The following UNC80 variants were observed in gnomAD, a reference collection of about 807,000 sequenced individuals.
UNC80 encodes protein unc-80 homolog.
A neutral mutation model predicts 384.6 loss-of-function variants in UNC80; 164 were observed. That is an observed-to-expected ratio of 0.43 (90% CI 0.38 to 0.49). UNC80 has a LOEUF of 0.49. Among genes scored for constraint, UNC80 ranks in the 20% least tolerant of loss-of-function variants. UNC80 has a pLI of 0.00. For synonymous variants in UNC80, 1,486 were observed against 1,527.8 expected, an observed-to-expected ratio of 0.97 and a Z score of 0.64; for missense variants, 3,330 against 4,143.0, an observed-to-expected ratio of 0.80 and a Z score of 5.39.
rs1360911143 is a variant in UNC80, at chr2:209,913,853, A to G, written c.4942A>G (p.Ile1648Val). The change falls in exon 31 of 65, where the codon ATT (isoleucine) becomes GTT (valine). Residue 1648 changes from isoleucine to valine, a missense_variant. Ile to Val is a conservative substitution (Grantham distance 29, BLOSUM62 3). This residue lies in a region of UNC80 where 801 missense variants were observed against 950.8 expected (regional missense o/e 0.84). Transcript: ENST00000673920. The part of the protein sequence containing the change: ...PLSLLIKAAP[I>V]LTEEMYGDIQ... ...ATCTCTGTTAATCAAGGCAGCACCAATTCTGACAGAGGAGATGTACGGAGA... is the reference window on the plus strand; with the variant it reads ...ATCTCTGTTAATCAAGGCAGCACCAGTTCTGACAGAGGAGATGTACGGAGA... The G allele has an allele frequency of 6.4e-7, 1 of 1,551,484 alleles. No individual in the cohort carries two copies. Among genetic ancestry groups the G allele is most frequent in the Non-Finnish European group, 8.7e-7 (1 of 1,146,798 alleles).
intron 48 of UNC80, among the ~76,000 whole-genome samples, chr2:209,957,336 CA>C (rs2092452609): frequency 6.6e-6 from 1 of 152,118 alleles, no homozygotes; most frequent in Non-Finnish European, 1.5e-5. Context: ...TCAACTGGTA[CA>C]GACTTAGAAG....
In UNC80 at chr2:209,793,837, G is replaced by A; in HGVS notation, c.916G>A (p.Glu306Lys). Residue 306 changes from glutamate to lysine, a missense_variant, in exon 7 of 65, where the codon GAA becomes AAA. By Grantham distance (56) the Glu-to-Lys change is moderately conservative (BLOSUM62 1). Transcript: ENST00000673920. ...DGSLSSQTSQ[E>K]RGPSHSRASL... ...AAGTCTGTCCTCCCAAACTTCCCAG[G>A]AAAGAGGCCCATCACATTCCAGGTA... 6.2e-7 allele frequency: 1 copy of A among 1,614,112 alleles called. No homozygotes were observed.
At chr2:209,790,329 A>G (rs1433548338) in intron 6 of UNC80, among the ~76,000 whole-genome samples, 1 of 152,184 alleles carries the variant, frequency 6.6e-6, no homozygotes, top group Non-Finnish European at 1.5e-5. Context: ...TCCTCTTTCC[A>G]ACTGTTATTA....
chr2:209,915,529 T>C (rs1208181402), intron 31 of UNC80, among the ~76,000 whole-genome samples: 1 of 151,080 alleles, frequency 6.6e-6, no homozygotes, highest in Admixed American at 6.6e-5. Context: ...CACAAGTCCA[T>C]AATATTAGAA....
chr2:209,798,414 G>A (rs2078304511), intron 7 of UNC80, among the ~76,000 whole-genome samples: 1 of 152,308 alleles, frequency 6.6e-6, no homozygotes, highest in South Asian at 2.1e-4. Context: ...TTACTGAATA[G>A]GAGATCTTTT....
At chr2:209,911,075 C>T (rs186700945) in intron 29 of UNC80, among the ~76,000 whole-genome samples, 3 of 152,118 alleles carry the variant, frequency 2.0e-5, no homozygotes, top group Admixed American at 1.3e-4. Flanking sequence ...GCTAGTAAGG[C>T]CTTGGGAAAC....
At chr2:209,902,425 A>C (rs1215440179) in intron 28 of UNC80, among the ~76,000 whole-genome samples, 1 of 152,238 alleles carries the variant, frequency 6.6e-6, no homozygotes, top group African/African-American at 2.4e-5. Flanking sequence ...AGGGTTGTTG[A>C]GGGTTGATCG....
intron 22 of UNC80, among the ~76,000 whole-genome samples, chr2:209,853,028 TATAG>T (rs2082643309): frequency 1.3e-5 from 2 of 152,102 alleles, no homozygotes; most frequent in South Asian, 2.1e-4. Flanking sequence ...CAGATACAGA[TATAG>T]ATATAGATAG....
chr2:209,783,194 C>G (rs2077242312), intron 4 of UNC80, among the ~76,000 whole-genome samples: 2 of 152,146 alleles, frequency 1.3e-5, no homozygotes, highest in African/African-American at 4.8e-5. Context: ...GATATTGCCT[C>G]TACGTGTACT....
At position 209,976,017 on chromosome 2, in the gene UNC80, A is replaced by G. The variant is rs1337359633; in HGVS notation, c.8588-102A>G. 3.1e-6 allele frequency: 4 copies of G among 1,300,822 alleles called. No homozygotes were observed. The highest frequency in any genetic ancestry group is 1.5e-5 in the African/African-American group (1 of 66,802). The allele number at this position is 1,300,822 out of a possible 1,614,324, so 80.6% of individuals were successfully genotyped here. On this transcript the variant is annotated intron_variant, in intron 56 of 64. Coordinates refer to ENST00000673920, the MANE Select transcript of UNC80 (RefSeq NM_001371986.1). This position sits in a 1 kb window ranked among gnomAD's most constrained non-coding sequence, Gnocchi z 4.3. ...TTAGAAACATGGAGAGAGCTTAGAAATTTAGAAAATTTCTAAAGGTGCATA... is the reference window on the plus strand; with the variant it reads ...TTAGAAACATGGAGAGAGCTTAGAAGTTTAGAAAATTTCTAAAGGTGCATA...
intron 60 of UNC80, among the ~76,000 whole-genome samples, chr2:209,983,584 T>TC (rs56780966): frequency 6.6e-6 from 1 of 152,200 alleles, no homozygotes; most frequent in Non-Finnish European, 1.5e-5. Flanking sequence ...TAGCTATCAG[T>TC]TATTTTTAAT....
At chr2:209,973,383 C>G in intron 56 of UNC80, 113 bp downstream of exon 56, 6 of 1,022,954 alleles carry the variant, frequency 5.9e-6, no homozygotes, top group Non-Finnish European at 8.4e-6. Flanking sequence ...TAGTTAAGTT[C>G]CAACTTAACT....
At chr2:209,807,748 G>A (rs1223376983) in intron 7 of UNC80, among the ~76,000 whole-genome samples, 1 of 152,080 alleles carries the variant, frequency 6.6e-6, no homozygotes, top group African/African-American at 2.4e-5. Context: ...TTATTGGATG[G>A]TGATACTTTG....
chr2:209,925,723 T>C (rs1387290282), intron 35 of UNC80, among the ~76,000 whole-genome samples: 1 of 152,106 alleles, frequency 6.6e-6, no homozygotes, highest in Non-Finnish European at 1.5e-5. Context: ...ATCCTTTAGC[T>C]AGACACAGAG....
Position 209,921,426 on chromosome 2 carries a change from A to G in UNC80, c.5344-74A>G, listed in dbSNP as rs540272688. On this transcript the variant is annotated intron_variant, in intron 33 of 64. Transcript: ENST00000673920. ...ACAAACTACTACGTTTGTGTCATTCATTGGAACACTCTTTATGCCTGTGAC... is the reference window on the plus strand; with the variant it reads ...ACAAACTACTACGTTTGTGTCATTCGTTGGAACACTCTTTATGCCTGTGAC... 85 of 1,380,532 alleles carry G rather than the reference A, an allele frequency of 6.2e-5. 1 individual carries two copies. The African/African-American group carries it at 1.1e-3, about 18-fold the overall frequency. The allele number at this position is 1,380,532 out of a possible 1,614,324, so 85.5% of individuals were successfully genotyped here. A position where few individuals can be genotyped will look rare whatever the true frequency, so the allele number is the denominator to read the frequency against.
chr2:209,771,998 C>G lies in UNC80; in HGVS notation c.-75C>G. On this transcript the variant is annotated 5_prime_UTR_variant, in exon 1 of 65. Coordinates refer to ENST00000673920, the MANE Select transcript of UNC80 (RefSeq NM_001371986.1). Reference sequence around the variant, plus strand: ...AGGAGGGGATGAGAGTTGGGAGCAGCGGGAGGAGGCGGCGGCGGCGGCTAG... The same window carrying G: ...AGGAGGGGATGAGAGTTGGGAGCAGGGGGAGGAGGCGGCGGCGGCGGCTAG... The G allele has an allele frequency of 3.7e-6, 4 of 1,083,504 alleles. No individual in the cohort carries two copies. Among genetic ancestry groups the G allele is most frequent in the Non-Finnish European group, 5.5e-6 (4 of 725,658 alleles). 67.1% of individuals were successfully genotyped at this position (1,083,504 alleles called of 1,614,324 possible).
chr2:209,862,375 C>T (rs1178451798), intron 22 of UNC80, among the ~76,000 whole-genome samples: 3 of 152,128 alleles, frequency 2.0e-5, no homozygotes, highest in Non-Finnish European at 1.5e-5. Context: ...CCTGAATATT[C>T]TCGTTAATTT....
At chr2:209,904,020 T>C (rs758522449) in intron 28 of UNC80, among the ~76,000 whole-genome samples, 4 of 152,184 alleles carry the variant, frequency 2.6e-5, no homozygotes, top group Non-Finnish European at 5.9e-5. Flanking sequence ...GCATATGCTA[T>C]TGCCTTTTAA....
chr2:209,892,307 A>AAAAGGCCAAAT (rs1458686423), intron 26 of UNC80, among the ~76,000 whole-genome samples: 2 of 152,106 alleles, frequency 1.3e-5, no homozygotes, highest in Admixed American at 6.5e-5. Context: ...AAGGCCAAAG[A>AAAAGGCCAAAT]TGTTTTATCC....
Sources: allele counts gnomAD v4.1 joint callset (sites outside exome capture counted in the v4.1 genomes callset), GRCh38; gene constraint gnomAD v4.1.1; regional missense constraint gnomAD v4.1.1; non-coding constraint Gnocchi (gnomAD v3.1); transcripts MANE v1.5; gene names NCBI Gene and HGNC (gene_info 2026-07-23, HGNC 2026-07-21).